RASSF6: variants seen among roughly 807,000 people sequenced by gnomAD.
RASSF6 encodes the protein Ras association domain family member 6.
A neutral mutation model predicts 44.0 loss-of-function variants in RASSF6; 52 were observed. The ratio of observed to expected loss-of-function variants is 1.18; its 90% CI spans 0.95 to 1.49. RASSF6 has a LOEUF of 1.49. Ranked by LOEUF, RASSF6 falls within the 40% of genes most tolerant of loss-of-function variation. The probability of loss-of-function intolerance (pLI) is 0.00; values close to 1 mark genes in which losing one functional copy is unlikely to be tolerated. For missense variants in RASSF6, 464 were observed against 393.3 expected, an observed-to-expected ratio of 1.18 and a Z score of -1.52; for synonymous variants, 162 against 124.6, an observed-to-expected ratio of 1.30 and a Z score of -2.00.
chr4:73,584,999 C>T (rs181152103), intron 6 of RASSF6, among the ~76,000 whole-genome samples, 181 bp downstream of exon 6: 1 of 152,128 alleles, frequency 6.6e-6, no homozygotes, highest in Admixed American at 6.6e-5. Context: ...TAAGATAATT[C>T]AGTAAAAATC....
At chr4:73,609,295 A>G (rs891895191) in intron 2 of RASSF6, among the ~76,000 whole-genome samples, 3 of 152,200 alleles carry the variant, frequency 2.0e-5, no homozygotes, top group Non-Finnish European at 4.4e-5. Flanking sequence ...AAGTAACCAT[A>G]AAAAACATTT....
chr4:73,620,546 T>G, upstream of RASSF6: 1 of 1,376,102 alleles, frequency 7.3e-7, no homozygotes, highest in Non-Finnish European at 9.8e-7. Flanking sequence ...TCAGCGATCC[T>G]GGAGCCCCAG....
chr4:73,613,024 C>T (rs1225783318), intron 1 of RASSF6, among the ~76,000 whole-genome samples: 1 of 152,090 alleles, frequency 6.6e-6, no homozygotes, highest in Non-Finnish European at 1.5e-5. Flanking sequence ...ATATCTGGTC[C>T]CTTTTAGTCC....
intron 1 of RASSF6, among the ~76,000 whole-genome samples, chr4:73,615,041 T>C (rs1726259773): frequency 6.6e-6 from 1 of 151,936 alleles, no homozygotes; most frequent in Admixed American, 6.6e-5. Flanking sequence ...TAGCCGGGTG[T>C]GGTGGAACAC....
chr4:73,584,144 TGATATGAATA>T, intron 6 of RASSF6, among the ~76,000 whole-genome samples: 1 of 152,192 alleles, frequency 6.6e-6, no homozygotes. Flanking sequence ...CCTAAAATTC[TGATATGAATA>T]AATAATTGAG....
chr4:73,599,914 C>T (rs1725172211), intron 2 of RASSF6, among the ~76,000 whole-genome samples: 1 of 152,148 alleles, frequency 6.6e-6, no homozygotes, highest in African/African-American at 2.4e-5. Flanking sequence ...CATGCAACCA[C>T]CAGCCTCCCT....
chr4:73,589,312 A>C (rs1451031302), intron 4 of RASSF6, among the ~76,000 whole-genome samples: 1 of 152,182 alleles, frequency 6.6e-6, no homozygotes, highest in Admixed American at 6.6e-5. Context: ...ATGGCAGATA[A>C]AATTACCCAT....
At chr4:73,620,080 C>T (rs531655123) in intron 1 of RASSF6, among the ~76,000 whole-genome samples, 1 of 152,134 alleles carries the variant, frequency 6.6e-6, no homozygotes, top group African/African-American at 2.4e-5. Context: ...CTTCTTTCCC[C>T]TCTCTCCCTC....
At chr4:73,610,098 G>A (rs1187598060) in intron 2 of RASSF6, among the ~76,000 whole-genome samples, 1 of 152,082 alleles carries the variant, frequency 6.6e-6, no homozygotes, top group African/African-American at 2.4e-5. Context: ...CTGCAAACCT[G>A]CTCCTCCTGT....
intron 4 of RASSF6, among the ~76,000 whole-genome samples, chr4:73,588,595 A>G (rs1270163506): frequency 1.3e-5 from 2 of 152,032 alleles, no homozygotes; most frequent in Non-Finnish European, 2.9e-5. Context: ...CTGGTCTTAA[A>G]CAAGTTTCTT....
chr4:73,617,710 A>T (rs1726451691), intron 1 of RASSF6, among the ~76,000 whole-genome samples: 1 of 152,210 alleles, frequency 6.6e-6, no homozygotes, highest in Non-Finnish European at 1.5e-5. Flanking sequence ...GTATTAGTTA[A>T]GTTTGGTTGT....
At position 73,587,915 on chromosome 4, in the gene RASSF6, AT is replaced by A. The variant is rs1724228481; in HGVS notation, c.306del (p.Glu102AspfsTer36). The A allele has an allele frequency of 2.5e-6, 4 of 1,608,912 alleles. No homozygotes were observed. Among genetic ancestry groups the A allele is most frequent in the Non-Finnish European group, 2.6e-6 (3 of 1,176,182 alleles). ...TCACTAATACGATAGAGATCGTCAA[AT>A]TCCCCCCAGCGTGTCATTCTGAGAA... ...FSSKGMTRWG[E>X]FDDLYRISEL... On this transcript the variant is annotated frameshift_variant, in exon 5 of 11. Coordinates refer to ENST00000307439, the MANE Select transcript of RASSF6 (RefSeq NM_177532.5). LOFTEE classifies it high-confidence loss of function.
At chr4:73,612,141 A>T (rs954107631) in intron 1 of RASSF6, among the ~76,000 whole-genome samples, 2 of 152,190 alleles carry the variant, frequency 1.3e-5, no homozygotes, top group Non-Finnish European at 2.9e-5. Flanking sequence ...TTCTATTGCA[A>T]TAACTCACCC....
At chr4:73,615,595 G>C (rs1163325660) in intron 1 of RASSF6, among the ~76,000 whole-genome samples, 2 of 152,220 alleles carry the variant, frequency 1.3e-5, no homozygotes, top group Non-Finnish European at 2.9e-5. Context: ...TATTGACTTA[G>C]ATTGTGTGTA....
chr4:73,611,347 A>G (rs1725999847), intron 2 of RASSF6, among the ~76,000 whole-genome samples: 1 of 152,166 alleles, frequency 6.6e-6, no homozygotes, highest in East Asian at 1.9e-4. Context: ...AGTAAAAATA[A>G]AGTGTCATGA....
Position 73,593,470 on chromosome 4 carries a change from C to T in RASSF6, c.268G>A (p.Asp90Asn). ...GCTTACCCTTTGCTGGAGAAGACGT[C>T]TGATGACTTCATACTAGTAAAAGAA... ...FSSFTSMKSS[D>N]VFSSKGMTRW... Residue 90 changes from aspartate to asparagine, a missense_variant, in exon 4 of 11, where the codon GAC (aspartate) becomes AAC (asparagine). Coordinates refer to ENST00000307439, the MANE Select transcript of RASSF6 (RefSeq NM_177532.5). 1.2e-6 allele frequency: 2 copies of T among 1,609,408 alleles called. No homozygotes were observed. The highest frequency in any genetic ancestry group is 1.1e-5 in the South Asian group (1 of 89,522).
In RASSF6 at chr4:73,611,760, G is replaced by A; in HGVS notation, c.36C>T (p.Ile12=). 6.2e-7 allele frequency: 1 copy of A among 1,610,004 alleles called. No individual in the cohort carries two copies. Among genetic ancestry groups the A allele is most frequent in the South Asian group, 1.1e-5 (1 of 90,926 alleles). The part of the protein sequence containing the change: ...TMMAHQYPSW[I]FINEKTFITR... ...TTATGAATGTCTTCTCATTAATGAAGATCCAAGAGGGGTACTGGTGAGCCA... is the reference window on the plus strand; with the variant it reads ...TTATGAATGTCTTCTCATTAATGAAAATCCAAGAGGGGTACTGGTGAGCCA... The change falls in exon 2 of 11, where the codon ATC becomes ATT. Residue 12 remains isoleucine (I), a synonymous_variant. Coordinates refer to ENST00000307439, the MANE Select transcript of RASSF6 (RefSeq NM_177532.5).
At chr4:73,615,875 G>T (rs747629064) in intron 1 of RASSF6, 47 of 1,548,894 alleles carry the variant, frequency 3.0e-5, no homozygotes, top group Non-Finnish European at 4.1e-5. Context: ...CTAGAGGTGG[G>T]CTTGCCTGGA....
At chr4:73,603,207 CTG>C (rs1480365541) in intron 2 of RASSF6, among the ~76,000 whole-genome samples, 9 of 152,190 alleles carry the variant, frequency 5.9e-5, no homozygotes, top group South Asian at 4.1e-4. Context: ...ACGTGAAACA[CTG>C]TATCACAATA....
Sources: gnomAD v4.1 joint callset for allele counts (sites outside exome capture counted in the v4.1 genomes callset) on GRCh38, gnomAD v4.1.1 for gene constraint, MANE v1.5 for transcripts, NCBI Gene and HGNC (gene_info 2026-07-23, HGNC 2026-07-21) for gene names.